The following TOPORS variants were observed in gnomAD, a reference collection of about 807,000 sequenced individuals.
TOPORS encodes the protein E3 ubiquitin-protein ligase Topors.
TOPORS carries 25 observed loss-of-function variants against 81.4 expected under a neutral mutation model. The ratio of observed to expected loss-of-function variants is 0.31; its 90% CI spans 0.22 to 0.43. TOPORS has a LOEUF of 0.43. TOPORS is among the 20% of genes least tolerant of loss of function. The pLI is 1.00. For missense variants in TOPORS, 1,101 were observed against 1,267.0 expected (o/e 0.87, Z 1.99); for synonymous variants, 473 against 456.6 (o/e 1.04, Z -0.46).
chr9:32,546,434 T>C (rs1306220039), intron 2 of TOPORS, among the ~76,000 whole-genome samples: 2 of 152,230 alleles, frequency 1.3e-5, no homozygotes, highest in Admixed American at 6.5e-5. Flanking sequence ...AGGCTTCACC[T>C]AGAACTAGCT....
chr9:32,542,946 T>C lies in TOPORS; in HGVS notation c.1579A>G (p.Ser527Gly). ...EQEQSYSSGD[S>G]DVSRCSSPHS... The stretch of plus-strand genomic sequence containing the variant: ...GGAGATGAGCATCTACTAACATCGC[T>C]ATCACCAGAACTGTAAGATTGCTCC... Residue 527 changes from serine to glycine, a missense_variant, in exon 3 of 3, where the codon AGC becomes GGC. Ser to Gly is a moderately conservative substitution (Grantham distance 56). Coordinates refer to ENST00000360538, the MANE Select transcript of TOPORS (RefSeq NM_005802.5). The C allele has an allele frequency of 1.2e-6, 2 of 1,614,154 alleles. No homozygotes were observed. The highest frequency in any genetic ancestry group is 2.2e-5 in the South Asian group (2 of 91,082).
At position 32,541,792 on chromosome 9, in the gene TOPORS, G is replaced by A; in HGVS notation, c.2733C>T (p.Asp911=). The change falls in exon 3 of 3, where the codon GAC becomes GAT. Residue 911 remains aspartate, a synonymous_variant. Transcript: ENST00000360538. ...CTTCAGAATCCTTATCACTGTCACT[G>A]TCAATGGTAATTACAACTGGGGAAC... ...ASRSPVVITI[D]SDSDKDSEVK... 3 of 1,614,164 alleles carry A rather than the reference G, an allele frequency of 1.9e-6. No individual in the cohort carries two copies. Among genetic ancestry groups the A allele is most frequent in the Admixed American group, 1.7e-5 (1 of 60,024 alleles).
chr9:32,541,660 T>C lies in TOPORS; in HGVS notation c.2865A>G (p.Ile955Met). Residue 955 changes from isoleucine to methionine, a missense_variant, in exon 3 of 3, where the codon ATA (isoleucine) becomes ATG (methionine). By Grantham distance (10) the Ile-to-Met change is conservative (BLOSUM62 1). This residue lies in a region of TOPORS where 605 missense variants were observed against 636.1 expected (regional missense o/e 0.95). Transcript: ENST00000360538. Reference protein sequence around the residue: ...EPFETKDVVTIEAEFGVLDKE... With the variant: ...EPFETKDVVTMEAEFGVLDKE... ...TGTCCAGCACACCAAATTCAGCTTC[T>C]ATTGTAACTACATCTTTAGTTTCAA... 1.2e-6 allele frequency: 2 copies of C among 1,614,222 alleles called. No homozygotes were observed. The highest frequency in any genetic ancestry group is 1.7e-6 in the Non-Finnish European group (2 of 1,180,044).
chr9:32,541,837 G>C lies in TOPORS; in HGVS notation c.2688C>G (p.His896Gln), dbSNP rs1193716746. The change falls in exon 3 of 3, where the codon CAC (histidine) becomes CAG (glutamine). Residue 896 changes from histidine to glutamine, a missense_variant. By Grantham distance (24) the His-to-Gln change is conservative (BLOSUM62 0). This residue lies in a region of TOPORS where 605 missense variants were observed against 636.1 expected (regional missense o/e 0.95). Transcript: ENST00000360538. ...KKKHKKKHKK[H>Q]HGDNASRSPV... ...GGGAACGTGAAGCATTATCTCCATG[G>C]TGTTTCTTATGCTTCTTCTTATGTT... 1.9e-6 allele frequency: 3 copies of C among 1,614,108 alleles called. No homozygotes were observed. Among genetic ancestry groups the C allele is most frequent in the Non-Finnish European group, 2.5e-6 (3 of 1,180,008 alleles).
chr9:32,551,401 T>C, intron 1 of TOPORS: 1 of 327,204 alleles, frequency 3.1e-6, no homozygotes. Flanking sequence ...ACACCAGGAG[T>C]CCAACGGGAT....
At chr9:32,546,193 AAT>A (rs1821138755) in intron 2 of TOPORS, among the ~76,000 whole-genome samples, 1 of 152,220 alleles carries the variant, frequency 6.6e-6, no homozygotes, top group African/African-American at 2.4e-5. Flanking sequence ...ATAAATACAT[AAT>A]ACTGCTTTTT....
At chr9:32,551,124 G>A (rs1417822660) in intron 1 of TOPORS, 156 bp from the exon 2 acceptor site, 10 of 938,428 alleles carry the variant, frequency 1.1e-5, no homozygotes, top group Non-Finnish European at 1.1e-5. Flanking sequence ...TCAGCGCACC[G>A]GCCCAAATGC....
At position 32,542,965 on chromosome 9, in the gene TOPORS, T is replaced by C. The variant is rs61756347; in HGVS notation, c.1560A>G (p.Gln520=). 1.5e-3 allele frequency: 2,344 copies of C among 1,614,210 alleles called. 5 individuals carry two copies. The highest frequency in any genetic ancestry group is 2.2e-3 in the African/African-American group (162 of 75,048). ...METVKTQEQE[Q]SYSSGDSDVS... ...CATCGCTATCACCAGAACTGTAAGA[T>C]TGCTCCTGTTCTTGTGTCTTCACTG... Residue 520 remains glutamine, a synonymous_variant, in exon 3 of 3, where the codon CAA becomes CAG. Coordinates refer to ENST00000360538, the MANE Select transcript of TOPORS (RefSeq NM_005802.5).
chr9:32,548,381 G>A (rs1386565456), intron 2 of TOPORS, among the ~76,000 whole-genome samples: 4 of 151,592 alleles, frequency 2.6e-5, no homozygotes, highest in African/African-American at 4.8e-5. Flanking sequence ...AAAATTCGCC[G>A]GGCGTGGTGG....
At chr9:32,551,151 C>T in intron 1 of TOPORS, 183 bp from the exon 2 acceptor site, 1 of 721,580 alleles carries the variant, frequency 1.4e-6, no homozygotes, top group Non-Finnish European at 2.4e-6. Context: ...TCCCCCGCCG[C>T]TCCAGACCCC....
chr9:32,543,438 AAGG>A lies in TOPORS; in HGVS notation c.1084_1086del (p.Pro362del). ...TGCTGGTCAAAGGCTGCCATGTTAA[AAGG>A]AGATCGGGCAAAACTGATAAATTCA... is the stretch of plus-strand genomic sequence containing the variant. On this transcript the variant is annotated inframe_deletion, in exon 3 of 3. Coordinates refer to ENST00000360538, the MANE Select transcript of TOPORS (RefSeq NM_005802.5). The surrounding 1 kb of genome is among the most constrained non-coding windows in gnomAD (Gnocchi z 5.6). 6.2e-7 allele frequency: 1 copy of A among 1,613,968 alleles called. No homozygotes were observed. The highest frequency in any genetic ancestry group is 1.1e-5 in the South Asian group (1 of 91,076).
At position 32,541,861 on chromosome 9, in the gene TOPORS, T is replaced by C. The variant is rs768011950; in HGVS notation, c.2664A>G (p.Lys888=). Residue 888 remains lysine, a synonymous_variant, in exon 3 of 3, where the codon AAA becomes AAG. Transcript: ENST00000360538. ...GGTGTTTCTTATGCTTCTTCTTATG[T>C]TTCTTCTTTTTCTTTTTATGGTGTT... ...TTKHHKKKKK[K]HKKKHKKHHG... The C allele has an allele frequency of 9.8e-5, 158 of 1,613,994 alleles. No homozygotes were observed. Among genetic ancestry groups the C allele is most frequent in the Non-Finnish European group, 1.3e-4 (158 of 1,180,024 alleles).
chr9:32,551,287 C>A lies in TOPORS; in HGVS notation c.4-319G>T, dbSNP rs1419061370. The A allele has an allele frequency of 7.7e-6, 4 of 519,722 alleles. No individual in the cohort carries two copies. The East Asian group carries it at 1.4e-4, about 18-fold the overall frequency. The allele number at this position is 519,722 out of a possible 1,614,324, so 32.2% of individuals were successfully genotyped here. ...CTAGTTCGATGTCGTTTCAACCTTACCAAACTCTGCGGAAACTTAGGAAAT... is the reference window on the plus strand; with the variant it reads ...CTAGTTCGATGTCGTTTCAACCTTAACAAACTCTGCGGAAACTTAGGAAAT... On this transcript the variant is annotated intron_variant, in intron 1 of 2. Coordinates refer to ENST00000360538, the MANE Select transcript of TOPORS (RefSeq NM_005802.5).
intron 2 of TOPORS, 127 bp from the exon 3 acceptor site, chr9:32,544,453 T>C: frequency 3.2e-6 from 3 of 947,580 alleles, no homozygotes; most frequent in Non-Finnish European, 3.1e-6. Flanking sequence ...CCATTACTTT[T>C]GTTTTATTTT....
Position 32,544,028 on chromosome 9 carries a change from G to A in TOPORS, c.497C>T (p.Ser166Leu), listed in dbSNP as rs763826828. 5.6e-6 allele frequency: 9 copies of A among 1,613,978 alleles called. No individual in the cohort carries two copies. Among genetic ancestry groups the A allele is most frequent in the African/African-American group, 1.3e-5 (1 of 74,902 alleles). Residue 166 changes from serine (S) to leucine (L), a missense_variant, in exon 3 of 3, where the codon TCG (serine) becomes TTG (leucine). By Grantham distance (145) the Ser-to-Leu change is moderately radical (BLOSUM62 -2). Around this residue, in one of 9 missense-constraint regions of TOPORS, gnomAD observed 120 missense variants for 115.4 expected, o/e 1.04. Coordinates refer to ENST00000360538, the MANE Select transcript of TOPORS (RefSeq NM_005802.5). ...AGGGGTGACAAAAGAACCATTATACGAAGGCCTTAGGACATACTCCTTGAA... is the reference window on the plus strand; with the variant it reads ...AGGGGTGACAAAAGAACCATTATACAAAGGCCTTAGGACATACTCCTTGAA... ...DDFKEYVLRP[S>L]YNGSFVTPDR...
chr9:32,544,331 A>C lies in TOPORS; in HGVS notation c.199-5T>G, dbSNP rs574664967. On this transcript the variant is annotated splice_region_variant and splice_polypyrimidine_tract_variant and intron_variant, in intron 2 of 2. Coordinates refer to ENST00000360538, the MANE Select transcript of TOPORS (RefSeq NM_005802.5). ...CTTAGCAGCTGATGCCATTATCTGT[A>C]AAAGGGAAAGAAATATATCAGTAAC... is the stretch of plus-strand genomic sequence containing the variant. 2 of 1,599,718 alleles carry C rather than the reference A, an allele frequency of 1.3e-6. No individual in the cohort carries two copies. Among genetic ancestry groups the C allele is most frequent in the Admixed American group, 3.3e-5 (2 of 60,022 alleles).
At chr9:32,548,457 C>T (rs938505796) in intron 2 of TOPORS, among the ~76,000 whole-genome samples, 1 of 151,966 alleles carries the variant, frequency 6.6e-6, no homozygotes, top group Non-Finnish European at 1.5e-5. Flanking sequence ...CCCCGGGAGG[C>T]GGAGGTTGCA....
At chr9:32,552,174 CAAAAA>C (rs35415231) in intron 1 of TOPORS, 1,177 of 492,518 alleles carry the variant, frequency 2.4e-3, no homozygotes, top group East Asian at 2.9e-3. Context: ...CCTTAGTTGG[CAAAAA>C]AAAAAAAAAA....
intron 1 of TOPORS, 65 bp from the exon 2 acceptor site, chr9:32,551,033 C>G (rs1279542468): frequency 2.6e-6 from 4 of 1,560,180 alleles, no homozygotes; most frequent in South Asian, 2.3e-5. Flanking sequence ...AGACCCACCC[C>G]CCAGCTCCCG....
Sources: allele counts gnomAD v4.1 joint callset (sites outside exome capture counted in the v4.1 genomes callset), GRCh38; gene constraint gnomAD v4.1.1; regional missense constraint gnomAD v4.1.1; non-coding constraint Gnocchi (gnomAD v3.1); transcripts MANE v1.5; gene names NCBI Gene and HGNC (gene_info 2026-07-23, HGNC 2026-07-21).